The following APOLD1 variants were observed in gnomAD, a reference collection of about 807,000 sequenced individuals.
APOLD1 encodes the protein apolipoprotein L domain-containing protein 1.
Under a neutral mutation model 15.3 loss-of-function variants are expected in APOLD1, and 22 were observed. The ratio of observed to expected loss-of-function variants is 1.44; its 90% CI spans 1.03 to 2.05. The LOEUF is 2.05. Among genes scored for constraint, APOLD1 ranks in the 30% most tolerant of loss-of-function variants. The pLI is 0.00. For synonymous variants in APOLD1, 190 were observed against 167.4 expected, an observed-to-expected ratio of 1.13 and a Z score of -1.04; for missense variants, 394 against 353.5, an observed-to-expected ratio of 1.11 and a Z score of -0.92.
chr12:12,742,975 C>A (rs1946739538), intron 1 of APOLD1, among the ~76,000 whole-genome samples: 1 of 152,234 alleles, frequency 6.6e-6, no homozygotes, highest in East Asian at 1.9e-4. Context: ...TGGTCTCAAA[C>A]TCTTGGGCTC....
At chr12:12,730,110 T>A (rs2136366795) in intron 1 of APOLD1, among the ~76,000 whole-genome samples, 1 of 150,126 alleles carries the variant, frequency 6.7e-6, no homozygotes. Context: ...GACAGGTTCT[T>A]GCTATGTTGT....
intron 1 of APOLD1, among the ~76,000 whole-genome samples, chr12:12,769,135 G>C (rs1946964682): frequency 6.6e-6 from 1 of 150,772 alleles, no homozygotes; most frequent in Non-Finnish European, 1.5e-5. Context: ...GGCTGAGGTG[G>C]AAGGATCACT....
In APOLD1 at chr12:12,787,074, G is replaced by A. The variant is rs570198112; in HGVS notation, c.169G>A (p.Val57Met). 6.8e-5 allele frequency: 95 copies of A among 1,393,324 alleles called. No homozygotes were observed. In the African/African-American group the frequency reaches 1.4e-3, roughly 20 times the overall value. The allele number at this position is 1,393,324 out of a possible 1,614,324, so 86.3% of individuals were successfully genotyped here. A position where few individuals can be genotyped will look rare whatever the true frequency, so the allele number is the denominator to read the frequency against. Residue 57 changes from valine to methionine, a missense_variant, in exon 2 of 2, where the codon GTG becomes ATG. Physicochemically the swap from Val to Met is conservative, Grantham distance 21. Transcript: ENST00000356591. The surrounding 1 kb of genome is among the most constrained non-coding windows in gnomAD (Gnocchi z 4.9). ...GCGCAGGCGCTCCCTCGTAGCCAAC[G>A]TGGCCGGCAGCTCGCTGAGCGCAAC... ...RLRRRSLVANVAGSSLSATGA... is the reference protein window; with the variant it reads ...RLRRRSLVANMAGSSLSATGA...
upstream of APOLD1, among the ~76,000 whole-genome samples, chr12:12,781,209 G>A (rs1293646042): frequency 1.3e-5 from 2 of 152,232 alleles, no homozygotes; most frequent in South Asian, 2.1e-4. Flanking sequence ...TTGGGAGGCC[G>A]AGGCGTGTGG....
Position 12,791,358 on chromosome 12 carries a change from A to G in APOLD1, c.*3706A>G, listed in dbSNP as rs1015670080. ...AGACACTGAGATAAAGACATCGTGC[A>G]GAGATAAATGGGGATACAGTTAAAT... On this transcript the variant is annotated 3_prime_UTR_variant, in exon 2 of 2. Coordinates refer to ENST00000356591, the MANE Select transcript of APOLD1 (RefSeq NM_030817.3). 4 of 152,356 alleles carry G rather than the reference A, an allele frequency of 2.6e-5. No homozygotes were observed. In the East Asian group the frequency reaches 7.7e-4, roughly 29 times the overall value. The allele number at this position is 152,356 out of a possible 1,614,324, so 9.4% of individuals were successfully genotyped here.
chr12:12,762,726 A>G (rs892064622), intron 1 of APOLD1, among the ~76,000 whole-genome samples: 1 of 152,134 alleles, frequency 6.6e-6, no homozygotes, highest in East Asian at 1.9e-4. Flanking sequence ...TGATTGGCTG[A>G]ACCCACTCGG....
At chr12:12,733,160 C>CAA (rs10569123) in intron 1 of APOLD1, among the ~76,000 whole-genome samples, 33 of 138,212 alleles carry the variant, frequency 2.4e-4, no homozygotes, top group Non-Finnish European at 4.8e-4. Context: ...CAAAAAACAC[C>CAA]AAAAAAAAAA....
chr12:12,774,601 AAAG>A (rs1286503459), intron 1 of APOLD1, among the ~76,000 whole-genome samples: 1 of 151,514 alleles, frequency 6.6e-6, no homozygotes, highest in African/African-American at 2.4e-5. Flanking sequence ...AAAGAAAAGA[AAAG>A]AAAGAAAACA....
At chr12:12,745,078 C>T (rs994585761) in intron 1 of APOLD1, among the ~76,000 whole-genome samples, 5 of 152,178 alleles carry the variant, frequency 3.3e-5, no homozygotes, top group African/African-American at 1.2e-4. Flanking sequence ...GGCAATACCT[C>T]CCTTCCTGTC....
intron 1 of APOLD1, among the ~76,000 whole-genome samples, chr12:12,760,204 C>T (rs549556880): frequency 6.6e-6 from 1 of 151,970 alleles, no homozygotes; most frequent in Admixed American, 6.6e-5. Context: ...ACCACACCCA[C>T]AGTCCCAGTT....
intron 1 of APOLD1, among the ~76,000 whole-genome samples, chr12:12,774,793 G>A (rs6488556): frequency 0.31 from 46,587 of 151,774 alleles, 7,281 homozygotes; most frequent in South Asian, 0.41. Context: ...TAGAACTGAC[G>A]ATACTAAATT....
In APOLD1 at chr12:12,788,152, T is replaced by A. The variant is rs909062316; in HGVS notation, c.*500T>A. Reference sequence around the variant, plus strand: ...AGCAAATCAGCCCTTCTCTGAACGTTGTAGGATGGTTCAGAACCCAGAGAG... The same window carrying A: ...AGCAAATCAGCCCTTCTCTGAACGTAGTAGGATGGTTCAGAACCCAGAGAG... On this transcript the variant is annotated 3_prime_UTR_variant, in exon 2 of 2. Coordinates refer to ENST00000356591, the MANE Select transcript of APOLD1 (RefSeq NM_030817.3). 4 of 156,144 alleles carry A rather than the reference T, an allele frequency of 2.6e-5. No homozygotes were observed. The highest frequency in any genetic ancestry group is 1.3e-4 in the Admixed American group (2 of 15,848). 9.7% of individuals were successfully genotyped at this position (156,144 alleles called of 1,614,324 possible).
chr12:12,759,806 A>G (rs1946883539), intron 1 of APOLD1, among the ~76,000 whole-genome samples: 3 of 152,236 alleles, frequency 2.0e-5, no homozygotes, highest in Admixed American at 1.3e-4. Context: ...GACTTCTAGG[A>G]AAGACATTAG....
At chr12:12,777,889 G>GTTTTGTTTTT (rs1947048157) in intron 1 of APOLD1, among the ~76,000 whole-genome samples, 1 of 117,064 alleles carries the variant, frequency 8.5e-6, no homozygotes, top group African/African-American at 3.8e-5. Context: ...AAGGAAAGGT[G>GTTTTGTTTTT]TTTTTTTTTT....
chr12:12,739,525 A>T (rs775732856), intron 1 of APOLD1, among the ~76,000 whole-genome samples: 5 of 152,222 alleles, frequency 3.3e-5, no homozygotes, highest in Non-Finnish European at 5.9e-5. Context: ...AACAATATTT[A>T]AAAAATATAT....
At chr12:12,766,053 AAAGTT>A (rs1211433068) in intron 1 of APOLD1, among the ~76,000 whole-genome samples, 1 of 152,210 alleles carries the variant, frequency 6.6e-6, no homozygotes, top group African/African-American at 2.4e-5. Flanking sequence ...GCAGGAAATA[AAAGTT>A]AAGACTCTCT....
intron 1 of APOLD1, among the ~76,000 whole-genome samples, chr12:12,750,892 A>C (rs1436424726): frequency 6.6e-6 from 1 of 151,374 alleles, no homozygotes; most frequent in Non-Finnish European, 1.5e-5. Context: ...CTCCCACCTC[A>C]GCCTCGCAAG....
At position 12,787,094 on chromosome 12, in the gene APOLD1, C is replaced by A. The variant is rs1457257025; in HGVS notation, c.189C>A (p.Ser63Arg). ...LVANVAGSSL[S>R]ATGALAAIVG... ...CCAACGTGGCCGGCAGCTCGCTGAGCGCAACGGGCGCCCTCGCCGCCATCG... is the reference window on the plus strand; with the variant it reads ...CCAACGTGGCCGGCAGCTCGCTGAGAGCAACGGGCGCCCTCGCCGCCATCG... Residue 63 changes from serine (S) to arginine (R), a missense_variant, in exon 2 of 2, where the codon AGC (serine) becomes AGA (arginine). By Grantham distance (110) the Ser-to-Arg change is moderately radical (BLOSUM62 -1). Transcript: ENST00000356591. This position sits in a 1 kb window ranked among gnomAD's most constrained non-coding sequence, Gnocchi z 4.9. 5.0e-6 allele frequency: 7 copies of A among 1,406,232 alleles called. No individual in the cohort carries two copies. Among genetic ancestry groups the A allele is most frequent in the Non-Finnish European group, 6.4e-6 (7 of 1,091,046 alleles). The allele number at this position is 1,406,232 out of a possible 1,614,324, so 87.1% of individuals were successfully genotyped here. A position where few individuals can be genotyped will look rare whatever the true frequency, so the allele number is the denominator to read the frequency against.
intron 1 of APOLD1, among the ~76,000 whole-genome samples, chr12:12,743,862 G>A (rs1045611944): frequency 2.0e-5 from 3 of 152,186 alleles, no homozygotes; most frequent in Admixed American, 6.5e-5. Context: ...GGAGGAAAGG[G>A]GCTAGGAGCC....
Sources: gnomAD v4.1 joint callset for allele counts (sites outside exome capture counted in the v4.1 genomes callset) on GRCh38, gnomAD v4.1.1 for gene constraint, Gnocchi (gnomAD v3.1) non-coding constraint, MANE v1.5 for transcripts, NCBI Gene and HGNC (gene_info 2026-07-23, HGNC 2026-07-21) for gene names.